Variants in WDR74 observed in about 807,000 individuals in gnomAD.
WDR74 encodes WD repeat-containing protein 74.
Under a neutral mutation model 45.6 loss-of-function variants are expected in WDR74, and 31 were observed. The observed-to-expected ratio is 0.68, with a 90% CI of 0.51 to 0.92. WDR74 has a LOEUF of 0.92. WDR74 is among the 40% of genes least tolerant of loss of function. The pLI, the probability that WDR74 is intolerant of heterozygous loss-of-function variation, is 0.00. For missense variants in WDR74, 455 were observed against 497.2 expected (o/e 0.92, Z 0.81); for synonymous variants, 191 against 192.4 (o/e 0.99, Z 0.06).
chr11:62,840,814 A>C (rs865981461), upstream of WDR74, among the ~76,000 whole-genome samples: 73 of 152,200 alleles, frequency 4.8e-4, no homozygotes, highest in Middle Eastern at 6.8e-3. Context: ...GAATTACCCA[A>C]TCCGCCCGCC....
Position 62,839,242 on chromosome 11 carries a change from C to T in WDR74, c.172-7G>A, listed in dbSNP as rs761501075. ...CCGCGCAGCCCACCAGCATCTGCGG[C>T]AAAGAAGGGCAAGATGGCGAGGAGA... On this transcript the variant is annotated splice_region_variant and splice_polypyrimidine_tract_variant and intron_variant, in intron 2 of 10. Coordinates refer to ENST00000278856, the MANE Select transcript of WDR74 (RefSeq NM_001369450.1). 1.2e-6 allele frequency: 2 copies of T among 1,613,264 alleles called. No individual in the cohort carries two copies. The highest frequency in any genetic ancestry group is 1.7e-6 in the Non-Finnish European group (2 of 1,179,880).
At chr11:62,836,940 G>A (rs1401221782) in intron 3 of WDR74, among the ~76,000 whole-genome samples, 2 of 152,096 alleles carry the variant, frequency 1.3e-5, no homozygotes, top group Non-Finnish European at 1.5e-5. Context: ...GCTGGGTGTG[G>A]TGGTACATGC....
upstream of WDR74, chr11:62,841,478 C>G (rs891354561): frequency 1.3e-5 from 2 of 152,212 alleles, no homozygotes; most frequent in Non-Finnish European, 2.9e-5. Context: ...CTTCTCTCAA[C>G]AAGACACTCA....
At chr11:62,833,577 C>T (rs1195201726) in intron 10 of WDR74, 41 bp downstream of exon 10, 1 of 1,551,002 alleles carries the variant, frequency 6.4e-7, no homozygotes, top group Admixed American at 2.0e-5. Context: ...GTCCTCACAT[C>T]TATGCCCTTG....
chr11:62,841,729 C>CTCGGATAG (rs1565226258), upstream of WDR74: 2 of 152,124 alleles, frequency 1.3e-5, no homozygotes, highest in Non-Finnish European at 2.9e-5. Context: ...ATATATTGTC[C>CTCGGATAG]TCGGATAGAG....
intron 3 of WDR74, among the ~76,000 whole-genome samples, 167 bp downstream of exon 3, chr11:62,838,947 A>G (rs1413661743): frequency 6.6e-6 from 1 of 152,168 alleles, no homozygotes; most frequent in African/African-American, 2.4e-5. Flanking sequence ...TAGGTGTTCA[A>G]TAAATGTGTG....
At chr11:62,837,024 C>T (rs948304423) in intron 3 of WDR74, among the ~76,000 whole-genome samples, 1 of 152,046 alleles carries the variant, frequency 6.6e-6, no homozygotes, top group South Asian at 2.1e-4. Flanking sequence ...TGCAGTGAGC[C>T]GAGATCATGC....
At chr11:62,838,974 C>T (rs2085002031) in intron 3 of WDR74, 140 bp downstream of exon 3, 1 of 1,218,518 alleles carries the variant, frequency 8.2e-7, no homozygotes, top group Non-Finnish European at 1.1e-6. Context: ...GTATGAACTA[C>T]ATAAGGCAGA....
chr11:62,834,176 C>A, intron 8 of WDR74, 100 bp downstream of exon 8: 1 of 1,559,234 alleles, frequency 6.4e-7, no homozygotes, highest in Non-Finnish European at 8.8e-7. Flanking sequence ...CAATCTGGCA[C>A]CTGAATGAGG....
In WDR74 at chr11:62,833,135, G is replaced by T; in HGVS notation, c.979-4C>A. The T allele has an allele frequency of 1.2e-6, 2 of 1,612,238 alleles. No homozygotes were observed. Among genetic ancestry groups the T allele is most frequent in the Non-Finnish European group, 1.7e-6 (2 of 1,179,404 alleles). On this transcript the variant is annotated splice_polypyrimidine_tract_variant and splice_region_variant and intron_variant, in intron 10 of 10. Transcript: ENST00000278856. ...CTTGAGGCTCTTGGGGCTCATCCTG[G>T]TGAGTGGGAAGAAAGCTTAGGAGTC...
upstream of WDR74, chr11:62,841,432 A>T (rs894059155): frequency 6.6e-6 from 1 of 152,234 alleles, no homozygotes; most frequent in African/African-American, 2.4e-5. Flanking sequence ...GACCACATGG[A>T]GATACTACGC....
chr11:62,835,528 C>G lies in WDR74; in HGVS notation c.521G>C (p.Arg174Pro). 6.2e-7 allele frequency: 1 copy of G among 1,613,906 alleles called. No individual in the cohort carries two copies. Among genetic ancestry groups the G allele is most frequent in the Non-Finnish European group, 8.5e-7 (1 of 1,179,844 alleles). Residue 174 changes from arginine (R) to proline (P), a missense_variant, in exon 6 of 11, where the codon CGG (arginine) becomes CCG (proline). Arg to Pro is a moderately radical substitution (Grantham distance 103). Transcript: ENST00000278856. The stretch of plus-strand genomic sequence containing the variant: ...AACCCGCAAGTCCAGCCAGTCATTC[C>G]GCACCTGGTGGGGTGGGCAGATGGA... ...EEPVFRAKNV[R>P]NDWLDLRVPI...
rs1485659086 is a variant in WDR74, at chr11:62,839,155, C to G, written c.252G>C (p.Pro84=). The G allele has an allele frequency of 6.2e-7, 1 of 1,613,684 alleles. No homozygotes were observed. The highest frequency in any genetic ancestry group is 8.5e-7 in the Non-Finnish European group (1 of 1,179,886). ...DGIFQGQRHC[P]GGEGMFRGLA... is the part of the protein sequence containing the mutation. ...GGCCACGGAACATGCCCTCCCCGCC[C>G]GGGCAGTGTCTCTGACCCTGGAATA... The change falls in exon 3 of 11, where the codon CCG becomes CCC. Residue 84 remains proline (P), a synonymous_variant. Transcript: ENST00000278856.
chr11:62,840,738 C>A (rs901940124), upstream of WDR74, among the ~76,000 whole-genome samples: 2 of 152,180 alleles, frequency 1.3e-5, no homozygotes, highest in African/African-American at 4.8e-5. Flanking sequence ...CGCCACCAGG[C>A]CTGATTCACT....
rs911529348 is a variant in WDR74, at chr11:62,839,156, G to A, written c.251C>T (p.Pro84Leu). ...DGIFQGQRHCPGGEGMFRGLA... is the reference protein window; with the variant it reads ...DGIFQGQRHCLGGEGMFRGLA... Reference sequence around the variant, plus strand: ...GCCACGGAACATGCCCTCCCCGCCCGGGCAGTGTCTCTGACCCTGGAATAT... The same window carrying A: ...GCCACGGAACATGCCCTCCCCGCCCAGGCAGTGTCTCTGACCCTGGAATAT... Residue 84 changes from proline (P) to leucine (L), a missense_variant, in exon 3 of 11, where the codon CCG (proline) becomes CTG (leucine). Physicochemically the swap from Pro to Leu is moderately conservative, Grantham distance 98. Transcript: ENST00000278856. 4.3e-6 allele frequency: 7 copies of A among 1,613,552 alleles called. No individual in the cohort carries two copies. In the Admixed American group the frequency reaches 6.7e-5, roughly 15 times the overall value.
chr11:62,841,606 TC>T (rs2085058922), upstream of WDR74: 1 of 152,116 alleles, frequency 6.6e-6, no homozygotes, highest in African/African-American at 2.4e-5. Context: ...CAACGGTTGT[TC>T]TCTCCCCGAA....
upstream of WDR74, chr11:62,839,686 A>G (rs1357896683): frequency 7.8e-7 from 1 of 1,276,790 alleles, no homozygotes. Flanking sequence ...CCGAAACAGT[A>G]AAGCTTCCAT....
At chr11:62,835,056 G>A (rs1204352676) in intron 6 of WDR74, 1 of 235,844 alleles carries the variant, frequency 4.2e-6, no homozygotes, top group Non-Finnish European at 8.3e-6. Context: ...CTGAGGAGCT[G>A]AGGCCAGAGA....
At chr11:62,841,540 C>G (rs916877824), upstream of WDR74, 2 of 151,050 alleles carry the variant, frequency 1.3e-5, no homozygotes, top group South Asian at 2.1e-4. Context: ...CCAACTCAAA[C>G]AACAAGAACA....
Sources: allele counts gnomAD v4.1 joint callset (sites outside exome capture counted in the v4.1 genomes callset), GRCh38; gene constraint gnomAD v4.1.1; transcripts MANE v1.5; gene names NCBI Gene and HGNC (gene_info 2026-07-23, HGNC 2026-07-21).